The following SLC22A15 variants were observed in gnomAD, a reference collection of about 807,000 sequenced individuals.
SLC22A15 encodes flipt 1.
In SLC22A15, 45 loss-of-function variants were observed where a neutral mutation model predicts 62.7. That is an observed-to-expected ratio of 0.72 (90% CI 0.56 to 0.92). The LOEUF (loss-of-function observed/expected upper bound fraction) is 0.92. SLC22A15 is among the 40% of genes least tolerant of loss of function. The pLI is 0.00. For synonymous variants in SLC22A15, 264 were observed against 267.0 expected (o/e 0.99, Z 0.11); for missense variants, 622 against 665.6 (o/e 0.93, Z 0.72).
intron 1 of SLC22A15, among the ~76,000 whole-genome samples, chr1:115,980,670 A>T (rs1181055426): frequency 6.6e-6 from 1 of 152,028 alleles, no homozygotes; most frequent in East Asian, 1.9e-4. Context: ...TAGAAATATA[A>T]GAACATGGAG....
At chr1:115,993,535 T>A (rs1036252786) in intron 2 of SLC22A15, among the ~76,000 whole-genome samples, 1 of 151,880 alleles carries the variant, frequency 6.6e-6, no homozygotes, top group East Asian at 1.9e-4. Context: ...ATTTTGATAA[T>A]CCTGCTTTGG....
intron 1 of SLC22A15, among the ~76,000 whole-genome samples, chr1:115,980,592 T>A (rs1654562669): frequency 6.6e-6 from 1 of 152,162 alleles, no homozygotes; most frequent in Non-Finnish European, 1.5e-5. Context: ...TGACACATAT[T>A]CTTAATACAA....
At chr1:116,044,410 A>C (rs1193487283) in intron 8 of SLC22A15, among the ~76,000 whole-genome samples, 1 of 152,258 alleles carries the variant, frequency 6.6e-6, no homozygotes, top group Non-Finnish European at 1.5e-5. Context: ...AAGAGTATTA[A>C]GGGAAAACCT....
intron 7 of SLC22A15, among the ~76,000 whole-genome samples, chr1:116,036,317 G>A (rs564845629): frequency 6.6e-6 from 1 of 152,264 alleles, no homozygotes; most frequent in South Asian, 2.1e-4. Context: ...GCCGTCCATG[G>A]GGGTATCTTA....
chr1:116,040,166 G>A (rs1657741075), intron 8 of SLC22A15, among the ~76,000 whole-genome samples: 1 of 152,204 alleles, frequency 6.6e-6, no homozygotes, highest in Non-Finnish European at 1.5e-5. Context: ...GAGATAGCCA[G>A]TAAGCCAGAA....
At chr1:116,052,660 T>TG (rs1176613266) in intron 8 of SLC22A15, among the ~76,000 whole-genome samples, 2 of 152,192 alleles carry the variant, frequency 1.3e-5, no homozygotes, top group East Asian at 3.9e-4. Context: ...CACCTCCCAG[T>TG]GGGGGCAGAC....
At chr1:116,046,829 A>G (rs1479956021) in intron 8 of SLC22A15, among the ~76,000 whole-genome samples, 8 of 152,178 alleles carry the variant, frequency 5.3e-5, no homozygotes, top group African/African-American at 1.9e-4. Flanking sequence ...AGCTGAGTCA[A>G]TTAAGACAGC....
At position 116,044,851 on chromosome 1, in the gene SLC22A15, G is replaced by A. The variant is rs558128092; in HGVS notation, c.1171+7463G>A. ...CTACAAAAAACTTTAAAATGCTGAT[G>A]AGAAAAATTAAAGAAGATGAACTAA... On this transcript the variant is annotated intron_variant, in intron 8 of 11. Transcript: ENST00000369503. 9.9e-5 allele frequency among the ~76,000 whole-genome samples: 15 copies of A among 152,148 alleles called. No homozygotes were observed. The East Asian group carries it at 2.1e-3, about 22-fold the overall frequency.
chr1:115,976,777 C>T (rs971871424), intron 1 of SLC22A15, 63 bp downstream of exon 1: 7 of 1,313,612 alleles, frequency 5.3e-6, no homozygotes, highest in Non-Finnish European at 7.4e-6. Flanking sequence ...CAGGGCTAGG[C>T]GTCCGCTCCC....
chr1:116,037,667 T>C (rs1657669288), intron 8 of SLC22A15: 2 of 287,602 alleles, frequency 7.0e-6, no homozygotes, highest in Non-Finnish European at 6.6e-6. Context: ...GTTTATTTGA[T>C]GATGAGGAGG....
intron 1 of SLC22A15, among the ~76,000 whole-genome samples, chr1:115,979,291 A>G (rs2101042443): frequency 2.0e-5 from 3 of 152,338 alleles, no homozygotes; most frequent in East Asian, 3.9e-4. Flanking sequence ...TCCTTTGGCT[A>G]GGAGACTTGC....
At chr1:116,052,760 G>C (rs1303481204) in intron 8 of SLC22A15, among the ~76,000 whole-genome samples, 1 of 152,174 alleles carries the variant, frequency 6.6e-6, no homozygotes, top group Non-Finnish European at 1.5e-5. Context: ...AAAATCTACT[G>C]TTCTGCAGAC....
At chr1:116,030,333 G>A (rs1657330454) in intron 5 of SLC22A15, among the ~76,000 whole-genome samples, 1 of 152,170 alleles carries the variant, frequency 6.6e-6, no homozygotes, top group African/African-American at 2.4e-5. Context: ...ATCCTGTAGT[G>A]TTTGTTCCTA....
chr1:116,019,287 A>G (rs1447327002), intron 2 of SLC22A15, among the ~76,000 whole-genome samples: 2 of 152,256 alleles, frequency 1.3e-5, no homozygotes, highest in African/African-American at 4.8e-5. Flanking sequence ...GAGCCTTAGG[A>G]TGTGGGACAT....
At chr1:116,001,052 A>G (rs993521524) in intron 2 of SLC22A15, among the ~76,000 whole-genome samples, 1 of 152,096 alleles carries the variant, frequency 6.6e-6, no homozygotes, top group Non-Finnish European at 1.5e-5. Flanking sequence ...TTTGTCTGAG[A>G]ATGTCTTTAT....
intron 1 of SLC22A15, among the ~76,000 whole-genome samples, chr1:115,989,331 A>G (rs748489169): frequency 2.0e-5 from 3 of 152,224 alleles, no homozygotes; most frequent in Non-Finnish European, 4.4e-5. Flanking sequence ...ATAAGGGTAT[A>G]TAGCAACATC....
chr1:116,063,818 A>G (rs916122010), intron 9 of SLC22A15, among the ~76,000 whole-genome samples: 3 of 152,048 alleles, frequency 2.0e-5, no homozygotes, highest in East Asian at 1.9e-4. Context: ...AAAACCATTA[A>G]TTATCATTCT....
At chr1:116,054,043 T>C (rs1296664108) in intron 8 of SLC22A15, among the ~76,000 whole-genome samples, 1 of 151,836 alleles carries the variant, frequency 6.6e-6, no homozygotes. Flanking sequence ...GGATCAAATT[T>C]ACACATAACA....
intron 2 of SLC22A15, among the ~76,000 whole-genome samples, chr1:115,994,581 C>A (rs551339275): frequency 2.6e-5 from 4 of 152,054 alleles, no homozygotes; most frequent in South Asian, 4.1e-4. Flanking sequence ...AAAGAAATTG[C>A]GAGAATAGTA....
Sources: allele counts gnomAD v4.1 joint callset (sites outside exome capture counted in the v4.1 genomes callset), GRCh38; gene constraint gnomAD v4.1.1; transcripts MANE v1.5; gene names NCBI Gene and HGNC (gene_info 2026-07-23, HGNC 2026-07-21).